ARMCX4: variants seen among roughly 807,000 people sequenced by gnomAD.
ARMCX4 encodes armadillo repeat containing X-linked 4.
Under a neutral mutation model 34.7 loss-of-function variants are expected in ARMCX4, and 3 were observed. That is an observed-to-expected ratio of 0.09 (90% CI 0.04 to 0.22). The LOEUF is 0.22. Ranked by LOEUF, ARMCX4 falls within the 10% of genes least tolerant of loss-of-function variation. The pLI is 1.00. For synonymous variants in ARMCX4, 513 were observed against 632.8 expected, an observed-to-expected ratio of 0.81 and a Z score of 2.84; for missense variants, 1,448 against 1,720.8, an observed-to-expected ratio of 0.84 and a Z score of 2.81.
Position 101,528,780 on chromosome X carries a change from T to C in ARMCX4, c.*1781-2864T>C, listed in dbSNP as rs959452652. The stretch of plus-strand genomic sequence containing the variant: ...ACCTAGGAATCCAACTTACAAGGGC[T>C]GTGAAGGACCTCTTCAAGGAGAACG... On this transcript the variant is annotated intron_variant and NMD_transcript_variant, in intron 11 of 12. Coordinates refer to the ARMCX4 transcript ENST00000354842. Among the ~76,000 whole-genome samples the C allele has an allele frequency of 7.1e-4, 79 of 110,973 alleles. 1 individual carries two copies. The highest frequency in any genetic ancestry group is 1.2e-3 in the Non-Finnish European group (64 of 53,017).
chrX:101,501,467 C>T (rs1172312567), intron 7 of ARMCX4, among the ~76,000 whole-genome samples: 1 of 112,687 alleles, frequency 8.9e-6, no homozygotes, highest in Non-Finnish European at 1.9e-5. Flanking sequence ...AGGGCTGTCT[C>T]ATAGGCAAAG....
Position 101,494,224 on chromosome X carries a change from G to T in ARMCX4, c.5635G>T (p.Ala1879Ser), listed in dbSNP as rs1449148334. 2 of 1,152,793 alleles carry T rather than the reference G, an allele frequency of 1.7e-6. No individual in the cohort carries two copies. Among genetic ancestry groups the T allele is most frequent in the African/African-American group, 3.6e-5 (2 of 56,169 alleles). Residue 1879 changes from alanine (A) to serine (S), a missense_variant, in exon 6 of 6, where the codon GCT becomes TCT. Coordinates refer to ENST00000423738, the MANE Select transcript of ARMCX4 (RefSeq NM_001256155.3). The part of the protein sequence containing the change: ...EEAGVESWTL[A>S]RNVGEDELSR... ...GGCTGGTGTAGAGTCCTGGACCTTG[G>T]CTAGGAATGTGGGAGAGGATGAGCT...
downstream of ARMCX4, among the ~76,000 whole-genome samples, chrX:101,451,609 G>T (rs1931994131): frequency 9.0e-6 from 1 of 111,315 alleles, no homozygotes; most frequent in African/African-American, 3.3e-5. Context: ...TCCTGTTGGG[G>T]AGATGATCAG....
At position 101,490,468 on chromosome X, in the gene ARMCX4, T is replaced by G. The variant is rs1354379219; in HGVS notation, c.1879T>G (p.Ser627Ala). The change falls in exon 6 of 6, where the codon TCT becomes GCT. Residue 627 changes from serine (S) to alanine (A), a missense_variant. Coordinates refer to ENST00000423738, the MANE Select transcript of ARMCX4 (RefSeq NM_001256155.3). ...GGGGGCTGGAGAAGGTACAACAGAC[T>G]CTGCCCAGCCTGAGGCAGTGGTCAG... ...KVGAGEGTTD[S>A]AQPEAVVSFQ... 1.8e-5 allele frequency: 21 copies of G among 1,152,881 alleles called. No individual in the cohort carries two copies. The highest frequency in any genetic ancestry group is 2.4e-5 in the Non-Finnish European group (21 of 872,232).
In ARMCX4 at chrX:101,490,610, C is replaced by G; in HGVS notation, c.2021C>G (p.Ala674Gly). 1 of 1,155,411 alleles carries G rather than the reference C, an allele frequency of 8.7e-7. No homozygotes were observed. ...GGCACTGCCCAGCTTCAGATTATGG[C>G]CAGTTCCAAGGGTGAGGCCTTGCTT... ...AMGTAQLQIM[A>G]SSKGEALLDS... The change falls in exon 6 of 6, where the codon GCC (alanine) becomes GGC (glycine). Residue 674 changes from alanine (A) to glycine (G), a missense_variant. Ala to Gly is a moderately conservative substitution (Grantham distance 60). This residue lies in a region of ARMCX4 where 1,343 missense variants were observed against 1,540.7 expected (regional missense o/e 0.87). Transcript: ENST00000423738.
chrX:101,438,824 T>C (rs1931016473), intron 2 of ARMCX4, among the ~76,000 whole-genome samples: 2 of 111,207 alleles, frequency 1.8e-5, no homozygotes, highest in South Asian at 7.7e-4. Flanking sequence ...ATTTGCTTGG[T>C]AGATCTTCCT....
intron 4 of ARMCX4, among the ~76,000 whole-genome samples, chrX:101,473,276 C>T (rs1248934348): frequency 1.6e-4 from 18 of 111,585 alleles, no homozygotes; most frequent in African/African-American, 5.9e-4. Context: ...AATATATATG[C>T]ACCCAATACA....
chrX:101,454,278 T>A (rs1378874338), intron 4 of ARMCX4, among the ~76,000 whole-genome samples: 1 of 107,701 alleles, frequency 9.3e-6, no homozygotes, highest in Non-Finnish European at 1.9e-5. Flanking sequence ...TTCTTTTTTT[T>A]TTTTTATTTT....
intron 11 of ARMCX4, among the ~76,000 whole-genome samples, chrX:101,521,783 AG>A (rs782580100): frequency 2.2e-3 from 247 of 111,499 alleles, no homozygotes; most frequent in Middle Eastern, 4.6e-3. Flanking sequence ...TTGGTGACAT[AG>A]GCATATGTTT....
In ARMCX4 at chrX:101,488,054, C is replaced by G. The variant is rs782116838; in HGVS notation, c.-192C>G. On this transcript the variant is annotated 5_prime_UTR_variant, in exon 5 of 6. Transcript: ENST00000423738. ...ATGTATCTACTTTAGGGTGTACTGC[C>G]AAGAGAAGCAAGAGGAGAGGAGGGA... The G allele has an allele frequency of 4.2e-6, 4 of 942,574 alleles. No homozygotes were observed. In the South Asian group the frequency reaches 8.0e-5, roughly 19 times the overall value. 77.7% of individuals were successfully genotyped at this position (942,574 alleles called of 1,213,427 possible). A position where few individuals can be genotyped will look rare whatever the true frequency, so the allele number is the denominator to read the frequency against.
intron 2 of ARMCX4, among the ~76,000 whole-genome samples, chrX:101,433,043 CACAT>C (rs1385745573): frequency 1.9e-4 from 21 of 109,088 alleles, no homozygotes; most frequent in African/African-American, 6.0e-4. Context: ...TGTATATACA[CACAT>C]ATGTATACAT....
rs868921335 is a variant in ARMCX4, at chrX:101,491,512, G to A, written c.2923G>A (p.Val975Met). ...TAAGGTCAGGGGCAATTCCAATGCTGTGCCTAAGGCAGAGGCTGGGGCAGA... is the reference window on the plus strand; with the variant it reads ...TAAGGTCAGGGGCAATTCCAATGCTATGCCTAAGGCAGAGGCTGGGGCAGA... ...KNKVRGNSNA[V>M]PKAEAGADTV... Residue 975 changes from valine to methionine, a missense_variant, in exon 6 of 6, where the codon GTG (valine) becomes ATG (methionine). By Grantham distance (21) the Val-to-Met change is conservative. This residue lies in a region of ARMCX4 where 1,343 missense variants were observed against 1,540.7 expected (regional missense o/e 0.87). Transcript: ENST00000423738. 69 of 1,154,598 alleles carry A rather than the reference G, an allele frequency of 6.0e-5. No homozygotes were observed. The African/African-American group carries it at 1.1e-3, about 19-fold the overall frequency.
intron 2 of ARMCX4, among the ~76,000 whole-genome samples, chrX:101,419,789 C>T (rs1929127425): frequency 9.0e-6 from 1 of 111,285 alleles, no homozygotes; most frequent in Non-Finnish European, 1.9e-5. Context: ...GAGCAAGAAT[C>T]CCCCTACCCT....
intron 11 of ARMCX4, among the ~76,000 whole-genome samples, chrX:101,525,058 C>T (rs983590221): frequency 2.7e-5 from 3 of 111,640 alleles, no homozygotes; most frequent in Non-Finnish European, 5.6e-5. Flanking sequence ...GGCCGACTGA[C>T]ACCTCATACA....
At chrX:101,527,245 C>T (rs1187020655) in intron 11 of ARMCX4, among the ~76,000 whole-genome samples, 24 of 111,563 alleles carry the variant, frequency 2.2e-4, no homozygotes, top group African/African-American at 3.3e-4. Context: ...GGGTAAATAA[C>T]GAAATGAAGG....
intron 3 of ARMCX4, among the ~76,000 whole-genome samples, chrX:101,445,716 G>A (rs1453930667): frequency 2.7e-5 from 3 of 111,596 alleles, no homozygotes; most frequent in African/African-American, 9.8e-5. Flanking sequence ...GCATAAATTT[G>A]CCCCTCCAGC....
intron 7 of ARMCX4, among the ~76,000 whole-genome samples, chrX:101,503,661 A>T (rs1934364854): frequency 1.8e-5 from 2 of 111,391 alleles, no homozygotes; most frequent in African/African-American, 3.3e-5. Context: ...AATTTATTTG[A>T]GTTCATTGTA....
intron 11 of ARMCX4, among the ~76,000 whole-genome samples, chrX:101,521,144 C>G (rs1398834675): frequency 1.8e-5 from 2 of 110,071 alleles, no homozygotes; most frequent in African/African-American, 6.6e-5. Flanking sequence ...ATTGGCCAGG[C>G]TAGTCTCAAA....
chrX:101,469,038 A>T (rs782224283), intron 4 of ARMCX4, among the ~76,000 whole-genome samples: 1 of 112,348 alleles, frequency 8.9e-6, no homozygotes, highest in African/African-American at 3.2e-5. Flanking sequence ...TACTAAATAC[A>T]GCCCTTCTGC....
Sources: allele counts gnomAD v4.1 joint callset (sites outside exome capture counted in the v4.1 genomes callset), GRCh38; gene constraint gnomAD v4.1.1; regional missense constraint gnomAD v4.1.1; transcripts MANE v1.5; gene names NCBI Gene and HGNC (gene_info 2026-07-23, HGNC 2026-07-21).